Variants in GBF1 observed in about 807,000 individuals in gnomAD.
GBF1 encodes the protein Golgi-specific brefeldin A-resistance guanine nucleotide exchange factor 1.
GBF1 carries 114 observed loss-of-function variants against 210.5 expected under a neutral mutation model. The observed-to-expected ratio is 0.54, with a 90% CI of 0.47 to 0.63. The LOEUF (loss-of-function observed/expected upper bound fraction) is 0.63. Among genes scored for constraint, GBF1 ranks in the 30% least tolerant of loss-of-function variants. The pLI is 0.00. For missense variants in GBF1, 1,851 were observed against 2,357.7 expected (o/e 0.79, Z 4.45); for synonymous variants, 850 against 889.2 (o/e 0.96, Z 0.78).
chr10:102,320,466 C>T (rs1021401540), intron 3 of GBF1, among the ~76,000 whole-genome samples: 2 of 152,038 alleles, frequency 1.3e-5, no homozygotes, highest in African/African-American at 4.8e-5. Flanking sequence ...TATATTAGTT[C>T]CTCAATAATT....
At chr10:102,301,091 C>T (rs1018146096) in intron 3 of GBF1, among the ~76,000 whole-genome samples, 1 of 150,698 alleles carries the variant, frequency 6.6e-6, no homozygotes, top group Non-Finnish European at 1.5e-5. Context: ...AACAAGTGAA[C>T]AGAGGTCTCT....
At position 102,363,995 on chromosome 10, in the gene GBF1, C is replaced by G. The variant is rs1280978194; in HGVS notation, c.2106+197C>G. 6.6e-6 allele frequency among the ~76,000 whole-genome samples: 1 copy of G among 152,040 alleles called. No individual in the cohort carries two copies. Among genetic ancestry groups the G allele is most frequent in the Non-Finnish European group, 1.5e-5 (1 of 68,028 alleles). ...CTCCTAAGCTATGTAGTTGAGCATACCCTATGTATGCCCCTGCGCAAATGC... is the reference window on the plus strand; with the variant it reads ...CTCCTAAGCTATGTAGTTGAGCATAGCCTATGTATGCCCCTGCGCAAATGC... On this transcript the variant is annotated intron_variant, in intron 17 of 39. Coordinates refer to ENST00000369983, the MANE Select transcript of GBF1 (RefSeq NM_001377137.1). This position sits in a 1 kb window ranked among gnomAD's most constrained non-coding sequence, Gnocchi z 4.2.
In GBF1 at chr10:102,331,485, T is replaced by TA. The variant is rs926626542; in HGVS notation, c.164-12558dup. ...GTTAAGGTTTGGGGTTTTGATTCAT[T>TA]AAAAAAAACAGATTGGGGCTGGGCA... On this transcript the variant is annotated intron_variant, in intron 3 of 39. Transcript: ENST00000369983. Among the ~76,000 whole-genome samples the TA allele has an allele frequency of 1.7e-4, 26 of 151,640 alleles. No individual in the cohort carries two copies. The East Asian group carries it at 2.7e-3, about 16-fold the overall frequency.
At chr10:102,337,297 G>GAACCCA (rs199839479) in intron 3 of GBF1, among the ~76,000 whole-genome samples, 10 of 148,534 alleles carry the variant, frequency 6.7e-5, no homozygotes, top group East Asian at 2.0e-4. Context: ...AGAATGGTGC[G>GAACCCA]TGGGGGAGCT....
At chr10:102,300,767 T>A (rs2077269131) in intron 3 of GBF1, among the ~76,000 whole-genome samples, 1 of 152,252 alleles carries the variant, frequency 6.6e-6, no homozygotes, top group Admixed American at 6.5e-5. Context: ...TCATTCAGTT[T>A]GCTTCTTTTA....
At chr10:102,319,602 G>A (rs2056195512) in intron 3 of GBF1, among the ~76,000 whole-genome samples, 1 of 151,896 alleles carries the variant, frequency 6.6e-6, no homozygotes, top group African/African-American at 2.4e-5. Context: ...CTTCTATTCT[G>A]TATTGGTTAC....
At chr10:102,359,707 A>G (rs1177393819) in intron 11 of GBF1, among the ~76,000 whole-genome samples, 1 of 151,774 alleles carries the variant, frequency 6.6e-6, no homozygotes, top group African/African-American at 2.4e-5. Context: ...AGGTAGGATC[A>G]TCAATTCTGA....
rs532707284 is a variant in GBF1, at chr10:102,365,521, A to G, written c.2231A>G (p.Asn744Ser). The G allele has an allele frequency of 9.9e-6, 16 of 1,614,072 alleles. No homozygotes were observed. The highest frequency in any genetic ancestry group is 9.3e-5 in the African/African-American group (7 of 74,946). ...NTEVAQWLRENPRLDKKMIGE... is the reference protein window; with the variant it reads ...NTEVAQWLRESPRLDKKMIGE... ...GAGGTTGCTCAGTGGCTCCGAGAGA[A>G]CCCTCGGCTGGACAAGAAGATGATT... The change falls in exon 18 of 40, where the codon AAC becomes AGC. Residue 744 changes from asparagine to serine, a missense_variant. By Grantham distance (46) the Asn-to-Ser change is conservative (BLOSUM62 1). This residue lies in a region of GBF1 where 804 missense variants were observed against 958.6 expected (regional missense o/e 0.84). Coordinates refer to ENST00000369983, the MANE Select transcript of GBF1 (RefSeq NM_001377137.1).
the GBF1 span, among the ~76,000 whole-genome samples, chr10:102,238,162 C>T: frequency 6.6e-6 from 1 of 152,300 alleles, no homozygotes; most frequent in African/African-American, 2.4e-5. Context: ...TTTTCCTTTT[C>T]CTCCCCATCA....
At chr10:102,299,284 C>A (rs1335370339) in intron 3 of GBF1, among the ~76,000 whole-genome samples, 1 of 152,056 alleles carries the variant, frequency 6.6e-6, no homozygotes, top group East Asian at 1.9e-4. Flanking sequence ...CTGTGGTGAC[C>A]AGGAACAAGC....
upstream of GBF1, among the ~76,000 whole-genome samples, chr10:102,243,989 G>A (rs2070627829): frequency 6.6e-6 from 1 of 152,080 alleles, no homozygotes; most frequent in African/African-American, 2.4e-5. Flanking sequence ...AATTAGCCTG[G>A]TGTGGTGGCA....
chr10:102,293,424 CATT>C (rs1258093067), intron 3 of GBF1, among the ~76,000 whole-genome samples: 4 of 152,160 alleles, frequency 2.6e-5, no homozygotes, highest in African/African-American at 9.6e-5. Flanking sequence ...TATTATATAT[CATT>C]GTTTTAGAAT....
intron 24 of GBF1, 56 bp from the exon 25 acceptor site, chr10:102,369,655 G>A: frequency 1.3e-6 from 2 of 1,511,794 alleles, no homozygotes; most frequent in East Asian, 4.5e-5. Context: ...GTGGGTGGAG[G>A]CGGGCACAAA....
intron 3 of GBF1, among the ~76,000 whole-genome samples, chr10:102,308,219 A>AG (rs2078089351): frequency 6.6e-6 from 1 of 150,824 alleles, no homozygotes; most frequent in African/African-American, 2.4e-5. Context: ...AAAAAAAAAA[A>AG]GAGGAAACTG....
At chr10:102,279,948 T>C (rs2075327621) in intron 3 of GBF1, among the ~76,000 whole-genome samples, 1 of 152,046 alleles carries the variant, frequency 6.6e-6, no homozygotes, top group Non-Finnish European at 1.5e-5. Flanking sequence ...TGAGACCTCA[T>C]CTCTACTAAA....
At chr10:102,230,662 T>C in the GBF1 span, 1 of 1,595,884 alleles carries the variant, frequency 6.3e-7, no homozygotes, top group Non-Finnish European at 8.5e-7. Flanking sequence ...CCGATAGACG[T>C]AGGGGGAAGA....
At chr10:102,367,335 C>CCA (rs1020450582) in intron 20 of GBF1, 125 bp downstream of exon 20, 1 of 1,228,658 alleles carries the variant, frequency 8.1e-7, no homozygotes, top group Non-Finnish European at 1.2e-6. Flanking sequence ...GAAGGGCTGG[C>CCA]CAACCTAGAA....
chr10:102,232,191 C>G, the GBF1 span: 1 of 717,400 alleles, frequency 1.4e-6, no homozygotes, highest in Non-Finnish European at 2.5e-6. Context: ...TGGCGCCTTT[C>G]TCAACCCCAG....
intron 29 of GBF1, 149 bp downstream of exon 29, chr10:102,371,009 G>A (rs577362917): frequency 5.6e-5 from 43 of 761,206 alleles, no homozygotes; most frequent in South Asian, 1.4e-4. Context: ...GCAGTCTAGC[G>A]GGTGGTACTG....
Sources: gnomAD v4.1 joint callset for allele counts (sites outside exome capture counted in the v4.1 genomes callset) on GRCh38, gnomAD v4.1.1 for gene constraint, gnomAD v4.1.1 regional missense constraint, Gnocchi (gnomAD v3.1) non-coding constraint, MANE v1.5 for transcripts, NCBI Gene and HGNC (gene_info 2026-07-23, HGNC 2026-07-21) for gene names.